Variants in MTMR7 observed in about 807,000 individuals in gnomAD.
The protein encoded by MTMR7 is phosphatidylinositol-3-phosphate phosphatase MTMR7.
In MTMR7, 76 loss-of-function variants were observed where a neutral mutation model predicts 81.2. That is an observed-to-expected ratio of 0.94 (90% CI 0.78 to 1.13). The LOEUF is 1.13. MTMR7 is among the 50% of genes most tolerant of loss of function. The pLI is 0.00. For synonymous variants in MTMR7, 372 were observed against 289.8 expected (o/e 1.28, Z -2.88); for missense variants, 1,044 against 820.0 (o/e 1.27, Z -3.34).
At chr8:17,350,384 A>C (rs1819691983) in intron 4 of MTMR7, among the ~76,000 whole-genome samples, 1 of 152,240 alleles carries the variant, frequency 6.6e-6, no homozygotes, top group Non-Finnish European at 1.5e-5. Flanking sequence ...AAGGAGGAGC[A>C]GAGGCACGTC....
At chr8:17,319,417 A>C (rs1818270417) in intron 7 of MTMR7, among the ~76,000 whole-genome samples, 1 of 152,210 alleles carries the variant, frequency 6.6e-6, no homozygotes, top group Admixed American at 6.5e-5. Flanking sequence ...AGACTCACTC[A>C]AACATGTCAA....
At chr8:17,308,563 A>G (rs1817615768) in intron 10 of MTMR7, among the ~76,000 whole-genome samples, 1 of 152,234 alleles carries the variant, frequency 6.6e-6, no homozygotes, top group African/African-American at 2.4e-5. Context: ...TATCAAACTA[A>G]TGAAACTTGC....
intron 5 of MTMR7, among the ~76,000 whole-genome samples, chr8:17,346,546 G>T (rs898604150): frequency 6.6e-6 from 1 of 152,098 alleles, no homozygotes; most frequent in African/African-American, 2.4e-5. Context: ...AGCCGGGGAA[G>T]AAGCTGCCTC....
intron 7 of MTMR7, among the ~76,000 whole-genome samples, chr8:17,326,843 C>T (rs934597478): frequency 2.6e-5 from 4 of 152,214 alleles, no homozygotes; most frequent in African/African-American, 9.6e-5. Context: ...GCTTGAGAAA[C>T]ATCCAGACTC....
At chr8:17,407,457 C>G (rs1821621405) in intron 1 of MTMR7, among the ~76,000 whole-genome samples, 1 of 152,070 alleles carries the variant, frequency 6.6e-6, no homozygotes, top group South Asian at 2.1e-4. Context: ...AACTATTCAT[C>G]TTCTTTGACA....
chr8:17,321,389 G>C (rs767052979), intron 7 of MTMR7, among the ~76,000 whole-genome samples: 2 of 152,214 alleles, frequency 1.3e-5, no homozygotes, highest in Non-Finnish European at 2.9e-5. Flanking sequence ...AAGGCTTCTT[G>C]TTCAACATTT....
chr8:17,371,238 T>C, intron 2 of MTMR7, 39 bp from the exon 3 acceptor site: 1 of 1,595,280 alleles, frequency 6.3e-7, no homozygotes, highest in Non-Finnish European at 8.6e-7. Flanking sequence ...TAAGCACAAA[T>C]AACTAATGAA....
intron 1 of MTMR7, among the ~76,000 whole-genome samples, chr8:17,379,971 G>A (rs185022853): frequency 3.3e-5 from 5 of 152,298 alleles, no homozygotes; most frequent in Admixed American, 3.3e-4. Flanking sequence ...AGGGTTTGGA[G>A]GAGGGGAGAG....
intron 4 of MTMR7, among the ~76,000 whole-genome samples, chr8:17,358,170 G>A (rs1819952696): frequency 6.6e-6 from 1 of 152,002 alleles, no homozygotes; most frequent in Non-Finnish European, 1.5e-5. Context: ...ACCAAACTCA[G>A]CTTAAAAAGA....
At position 17,326,909 on chromosome 8, in the gene MTMR7, C is replaced by T. The variant is rs528557960; in HGVS notation, c.865+4241G>A. On this transcript the variant is annotated intron_variant, in intron 7 of 13. Coordinates refer to ENST00000180173, the MANE Select transcript of MTMR7 (RefSeq NM_004686.5). ...ATCATTTTTTAAAAAAGGAATATAC[C>T]GACCATAGCAAGTATTTTGTAAATA... Among the ~76,000 whole-genome samples, 33 of 152,206 alleles carry T rather than the reference C, an allele frequency of 2.2e-4. No individual in the cohort carries two copies. The South Asian group carries it at 5.0e-3, about 23-fold the overall frequency.
chr8:17,329,725 G>A (rs1818894746), intron 7 of MTMR7, among the ~76,000 whole-genome samples: 1 of 152,194 alleles, frequency 6.6e-6, no homozygotes, highest in Non-Finnish European at 1.5e-5. Context: ...ACAGTACCAA[G>A]GAGTCCAATT....
Position 17,406,953 on chromosome 8 carries a change from G to A in MTMR7, c.24+6316C>T, listed in dbSNP as rs1821602378. Among the ~76,000 whole-genome samples the A allele has an allele frequency of 2.6e-5, 4 of 152,084 alleles. No homozygotes were observed. In the South Asian group the frequency reaches 8.3e-4, roughly 32 times the overall value. On this transcript the variant is annotated intron_variant, in intron 1 of 13. Coordinates refer to ENST00000180173, the MANE Select transcript of MTMR7 (RefSeq NM_004686.5). ...GTATATTTAGTGGTTACCTTGGGTG[G>A]GGTGAGGGAGAAATGGAGACTGAAT...
At chr8:17,312,572 C>T (rs1485312570) in intron 8 of MTMR7, among the ~76,000 whole-genome samples, 1 of 63,304 alleles carries the variant, frequency 1.6e-5, no homozygotes, top group African/African-American at 6.1e-5. Flanking sequence ...GAGACTCCCT[C>T]TCAAAAAAAA....
At chr8:17,404,136 G>A (rs1016141475) in intron 1 of MTMR7, among the ~76,000 whole-genome samples, 2 of 152,180 alleles carry the variant, frequency 1.3e-5, no homozygotes, top group African/African-American at 4.8e-5. Flanking sequence ...AAACTGGTGG[G>A]GGAGTGGCAA....
intron 4 of MTMR7, among the ~76,000 whole-genome samples, chr8:17,352,773 T>C (rs1157836838): frequency 2.0e-5 from 3 of 151,992 alleles, no homozygotes; most frequent in African/African-American, 7.2e-5. Flanking sequence ...TATTACAAAA[T>C]GAAAGAATGA....
chr8:17,318,301 G>T (rs1221867219), intron 7 of MTMR7, among the ~76,000 whole-genome samples: 1 of 152,130 alleles, frequency 6.6e-6, no homozygotes, highest in African/African-American at 2.4e-5. Flanking sequence ...ATGCTGCTTA[G>T]GAGCAGCGCT....
rs550552301 is a variant in MTMR7 at position 17,348,769 on chromosome 8, G to A, written c.597+184C>T. Reference sequence around the variant, plus strand: ...ATTACATTACTGTCAAATAAACATAGGAAGTCTACATGAGATAAGGACTTA... The same window carrying A: ...ATTACATTACTGTCAAATAAACATAAGAAGTCTACATGAGATAAGGACTTA... On this transcript the variant is annotated intron_variant, in intron 5 of 13. Coordinates refer to ENST00000180173, the MANE Select transcript of MTMR7 (RefSeq NM_004686.5). 1.4e-4 allele frequency among the ~76,000 whole-genome samples: 22 copies of A among 152,052 alleles called. No homozygotes were observed. The South Asian group carries it at 1.5e-3, about 10-fold the overall frequency.
At chr8:17,336,134 GT>G (rs1194004393) in intron 6 of MTMR7, among the ~76,000 whole-genome samples, 2 of 152,134 alleles carry the variant, frequency 1.3e-5, no homozygotes, top group African/African-American at 4.8e-5. Context: ...ATAGATGCAG[GT>G]TTTTGGAGGT....
At chr8:17,330,427 T>C (rs1252950315) in intron 7 of MTMR7, among the ~76,000 whole-genome samples, 2 of 152,184 alleles carry the variant, frequency 1.3e-5, no homozygotes, top group African/African-American at 2.4e-5. Context: ...CCGGAAGTGG[T>C]AGACTACAGC....
Sources: gnomAD v4.1 joint callset for allele counts (sites outside exome capture counted in the v4.1 genomes callset) on GRCh38, gnomAD v4.1.1 for gene constraint, MANE v1.5 for transcripts, NCBI Gene and HGNC (gene_info 2026-07-23, HGNC 2026-07-21) for gene names.